The following KCNN2 variants were observed in gnomAD, a reference collection of about 807,000 sequenced individuals.
KCNN2 encodes the protein small conductance calcium-activated potassium channel protein 2.
In KCNN2, 24 loss-of-function variants were observed where a neutral mutation model predicts 55.5. The ratio of observed to expected loss-of-function variants is 0.43; its 90% CI spans 0.31 to 0.61. KCNN2 has a LOEUF of 0.61. Among genes scored for constraint, KCNN2 ranks in the 20% least tolerant of loss-of-function variants. The pLI is 0.08. For missense variants in KCNN2, 754 were observed against 853.6 expected (o/e 0.88, Z 1.45); for synonymous variants, 431 against 336.1 (o/e 1.28, Z -3.09).
chr5:114,159,725 G>T (rs1752723843), intron 1 of KCNN2, among the ~76,000 whole-genome samples: 1 of 152,126 alleles, frequency 6.6e-6, no homozygotes. Flanking sequence ...TCCTGGTTTA[G>T]TCTTGGGAGG....
At chr5:114,235,298 A>G (rs1754468076) in intron 2 of KCNN2, among the ~76,000 whole-genome samples, 2 of 152,196 alleles carry the variant, frequency 1.3e-5, no homozygotes, top group Non-Finnish European at 2.9e-5. Flanking sequence ...TCATTATAAA[A>G]CATTTGAGGG....
chr5:114,098,588 C>A (rs956907179), intron 1 of KCNN2, among the ~76,000 whole-genome samples: 9 of 151,860 alleles, frequency 5.9e-5, no homozygotes. Context: ...TGAAACCATC[C>A]CCACTCCCCC....
intron 1 of KCNN2, among the ~76,000 whole-genome samples, chr5:114,177,626 T>A (rs970426184): frequency 5.5e-5 from 2 of 36,116 alleles, no homozygotes; most frequent in African/African-American, 1.7e-4. Flanking sequence ...TTAACATAGT[T>A]CCTGAAACAG....
intron 4 of KCNN2, among the ~76,000 whole-genome samples, chr5:114,464,211 T>C (rs1361544672): frequency 2.0e-5 from 3 of 152,194 alleles, no homozygotes; most frequent in African/African-American, 4.8e-5. Flanking sequence ...GTGATTATAA[T>C]GTGGTATGAA....
intron 3 of KCNN2, among the ~76,000 whole-genome samples, chr5:114,432,972 A>G (rs1759852951): frequency 6.6e-6 from 1 of 151,814 alleles, no homozygotes; most frequent in East Asian, 1.9e-4. Flanking sequence ...CACCCCCTCC[A>G]TGGGCTCCTG....
At chr5:114,227,667 G>A (rs745929340) in intron 2 of KCNN2, among the ~76,000 whole-genome samples, 1 of 152,062 alleles carries the variant, frequency 6.6e-6, no homozygotes, top group Non-Finnish European at 1.5e-5. Flanking sequence ...AGGCTTAGTG[G>A]AAAAGTAATA....
intron 1 of KCNN2, among the ~76,000 whole-genome samples, chr5:114,153,446 T>A (rs1433863635): frequency 6.6e-6 from 1 of 152,150 alleles, no homozygotes; most frequent in Non-Finnish European, 1.5e-5. Context: ...TATAAGCATA[T>A]GAGTTAGTTT....
chr5:114,060,039 C>CCTCACAGTA (rs1338954900), intron 1 of KCNN2, among the ~76,000 whole-genome samples: 1 of 152,252 alleles, frequency 6.6e-6, no homozygotes, highest in Admixed American at 6.5e-5. Context: ...TCCCTAACAG[C>CCTCACAGTA]CCTAGCCCCA....
chr5:114,114,413 A>AT (rs1554069386), intron 1 of KCNN2, among the ~76,000 whole-genome samples: 1 of 151,846 alleles, frequency 6.6e-6, no homozygotes, highest in Non-Finnish European at 1.5e-5. Context: ...ATTTATTTTT[A>AT]TTTTTTGTGG....
intron 1 of KCNN2, among the ~76,000 whole-genome samples, chr5:114,129,415 A>G (rs1403682136): frequency 1.3e-5 from 2 of 152,036 alleles, no homozygotes; most frequent in African/African-American, 2.4e-5. Flanking sequence ...CCTAAAGATT[A>G]GCTGCCACTG....
intron 2 of KCNN2, among the ~76,000 whole-genome samples, chr5:114,250,197 C>G (rs1025649227): frequency 6.6e-6 from 1 of 151,970 alleles, no homozygotes; most frequent in Admixed American, 6.5e-5. Context: ...TTTGGATAAG[C>G]CTTTTAAAAA....
At chr5:114,330,533 G>A (rs1692224925) in intron 2 of KCNN2, among the ~76,000 whole-genome samples, 1 of 151,900 alleles carries the variant, frequency 6.6e-6, no homozygotes, top group Admixed American at 6.6e-5. Flanking sequence ...TTTTTGGGGG[G>A]GCTTATTTCC....
At chr5:114,204,108 A>G (rs549232812) in intron 1 of KCNN2, among the ~76,000 whole-genome samples, 2 of 152,098 alleles carry the variant, frequency 1.3e-5, no homozygotes, top group Non-Finnish European at 2.9e-5. Flanking sequence ...AGCATTCTAG[A>G]TGAAGTTTCC....
At chr5:114,067,685 G>C (rs533419746) in intron 1 of KCNN2, among the ~76,000 whole-genome samples, 16 of 152,264 alleles carry the variant, frequency 1.1e-4, no homozygotes, top group African/African-American at 3.1e-4. Flanking sequence ...CCATAAATTT[G>C]TGATGATTTG....
intron 1 of KCNN2, among the ~76,000 whole-genome samples, chr5:114,199,576 G>A (rs80219723): frequency 0.015 from 2,194 of 150,340 alleles, 49 homozygotes; most frequent in African/African-American, 0.05. Context: ...TCTCATCCTC[G>A]TTGTGTGATT....
chr5:114,136,207 A>G (rs867749598), intron 1 of KCNN2, among the ~76,000 whole-genome samples: 7 of 152,344 alleles, frequency 4.6e-5, no homozygotes, highest in Admixed American at 2.0e-4. Context: ...TGATTAGGCC[A>G]TGAGGGCTCT....
upstream of KCNN2, among the ~76,000 whole-genome samples, chr5:114,359,587 C>A (rs569752463): frequency 5.9e-5 from 9 of 152,234 alleles, no homozygotes; most frequent in East Asian, 1.7e-3. Flanking sequence ...ACTGTAGAAC[C>A]TTATATCTAA....
At chr5:114,340,054 A>T (rs1756989173) in intron 2 of KCNN2, among the ~76,000 whole-genome samples, 1 of 152,196 alleles carries the variant, frequency 6.6e-6, no homozygotes, top group Non-Finnish European at 1.5e-5. Flanking sequence ...ATTTGAATTC[A>T]GGACTTTCTA....
chr5:114,257,326 C>T (rs896589609), intron 2 of KCNN2, among the ~76,000 whole-genome samples: 10 of 151,696 alleles, frequency 6.6e-5, no homozygotes, highest in African/African-American at 2.4e-4. Flanking sequence ...CTTAGGATTG[C>T]TTTGGCTATT....
Sources: gnomAD v4.1 joint callset for allele counts (sites outside exome capture counted in the v4.1 genomes callset) on GRCh38, gnomAD v4.1.1 for gene constraint, MANE v1.5 for transcripts, NCBI Gene and HGNC (gene_info 2026-07-23, HGNC 2026-07-21) for gene names.